SOX5: variants seen among roughly 807,000 people sequenced by gnomAD.
SOX5 encodes transcription factor SOX-5.
A neutral mutation model predicts 92.0 loss-of-function variants in SOX5; 9 were observed. The ratio of observed to expected loss-of-function variants is 0.10; its 90% CI spans 0.06 to 0.17. The LOEUF is 0.17. Among genes scored for constraint, SOX5 ranks in the 10% least tolerant of loss-of-function variants. The pLI, the probability that SOX5 is intolerant of heterozygous loss-of-function variation, is 1.00. For missense variants in SOX5, 642 were observed against 944.5 expected, an observed-to-expected ratio of 0.68 and a Z score of 4.20; for synonymous variants, 344 against 336.3, an observed-to-expected ratio of 1.02 and a Z score of -0.25.
chr12:23,984,978 G>A (rs1440921607), intron 4 of SOX5, among the ~76,000 whole-genome samples: 1 of 152,112 alleles, frequency 6.6e-6, no homozygotes, highest in African/African-American at 2.4e-5. Context: ...TTGAGCAGTA[G>A]GATATAAATA....
At chr12:24,442,175 C>T (rs568050212) in intron 1 of SOX5, among the ~76,000 whole-genome samples, 30 of 152,246 alleles carry the variant, frequency 2.0e-4, no homozygotes, top group South Asian at 1.7e-3. Context: ...GTAAAAGAGG[C>T]AAATTTTTGT....
At chr12:24,366,938 A>ATAATCCTGCATT (rs1956234105) in intron 2 of SOX5, among the ~76,000 whole-genome samples, 1 of 152,132 alleles carries the variant, frequency 6.6e-6, no homozygotes, top group Non-Finnish European at 1.5e-5. Flanking sequence ...GAAGGAGAAA[A>ATAATCCTGCATT]GAAAAAAAAA....
chr12:24,199,564 G>C (rs1337364490), intron 4 of SOX5, among the ~76,000 whole-genome samples: 1 of 152,186 alleles, frequency 6.6e-6, no homozygotes, highest in East Asian at 1.9e-4. Flanking sequence ...GCTTGGAATA[G>C]AGCCCATCCC....
At chr12:23,960,514 CATATATATATATAT>C (rs61480895) in intron 4 of SOX5, among the ~76,000 whole-genome samples, 3 of 106,964 alleles carry the variant, frequency 2.8e-5, no homozygotes, top group Non-Finnish European at 6.1e-5. Flanking sequence ...TATTTATATA[CATATATATATATAT>C]ACATATATAT....
intron 2 of SOX5, among the ~76,000 whole-genome samples, chr12:24,334,578 C>A (rs1306205031): frequency 6.6e-6 from 1 of 152,192 alleles, no homozygotes; most frequent in African/African-American, 2.4e-5. Context: ...CTATTTTATA[C>A]TGCCAATGGA....
At chr12:24,000,399 G>A (rs760402742) in intron 4 of SOX5, among the ~76,000 whole-genome samples, 1 of 151,848 alleles carries the variant, frequency 6.6e-6, no homozygotes, top group Non-Finnish European at 1.5e-5. Context: ...AATATATACT[G>A]TAATAATAGC....
intron 1 of SOX5, among the ~76,000 whole-genome samples, chr12:24,446,295 T>C (rs772694139): frequency 9.9e-5 from 15 of 152,124 alleles, no homozygotes; most frequent in Non-Finnish European, 1.5e-4. Flanking sequence ...CTACCCTAGA[T>C]TGGGTGGCAA....
At chr12:24,462,214 G>A (rs1256369826) in intron 1 of SOX5, among the ~76,000 whole-genome samples, 1 of 152,172 alleles carries the variant, frequency 6.6e-6, no homozygotes, top group Non-Finnish European at 1.5e-5. Context: ...AACCTGTACA[G>A]CCTGTTACTG....
chr12:23,571,568 G>A (rs985064367), intron 10 of SOX5, among the ~76,000 whole-genome samples: 8 of 152,210 alleles, frequency 5.3e-5, no homozygotes, highest in African/African-American at 1.4e-4. Flanking sequence ...GCCGAGAAGA[G>A]CATCTAATGC....
At chr12:24,469,278 G>A (rs1304557841) in intron 1 of SOX5, among the ~76,000 whole-genome samples, 2 of 152,150 alleles carry the variant, frequency 1.3e-5, no homozygotes, top group Non-Finnish European at 2.9e-5. Context: ...TAATGCAAGC[G>A]ATGGGGAGCG....
At chr12:24,033,495 T>A (rs1363799776) in intron 4 of SOX5, among the ~76,000 whole-genome samples, 1 of 152,020 alleles carries the variant, frequency 6.6e-6, no homozygotes, top group Non-Finnish European at 1.5e-5. Flanking sequence ...CACAATGCTA[T>A]TTTTTAAAGT....
chr12:24,222,488 G>A (rs1157901953), intron 3 of SOX5, among the ~76,000 whole-genome samples: 1 of 152,098 alleles, frequency 6.6e-6, no homozygotes, highest in Non-Finnish European at 1.5e-5. Flanking sequence ...ATAGAAGGAT[G>A]GAATTACTAT....
At chr12:23,824,230 T>C (rs1240356511) in intron 3 of SOX5, among the ~76,000 whole-genome samples, 1 of 152,254 alleles carries the variant, frequency 6.6e-6, no homozygotes, top group East Asian at 1.9e-4. Flanking sequence ...CTTTTTGAGC[T>C]GTTTTTTCCT....
intron 1 of SOX5, among the ~76,000 whole-genome samples, chr12:24,524,882 C>A (rs962935662): frequency 1.3e-5 from 2 of 152,034 alleles, no homozygotes; most frequent in African/African-American, 4.8e-5. Context: ...ATCGGCTGGG[C>A]CTGGTGGCAT....
chr12:23,920,794 T>C (rs1285381988), intron 1 of SOX5, among the ~76,000 whole-genome samples: 1 of 152,136 alleles, frequency 6.6e-6, no homozygotes, highest in East Asian at 1.9e-4. Context: ...AAATAAGCAG[T>C]TTGTATAATA....
chr12:24,422,564 GCA>G (rs2136947599), intron 1 of SOX5, among the ~76,000 whole-genome samples: 1 of 152,308 alleles, frequency 6.6e-6, no homozygotes, highest in South Asian at 2.1e-4. Context: ...AGGGTTGTCT[GCA>G]CAGTTTCATA....
At chr12:24,252,504 C>CAAA (rs57327790) in intron 3 of SOX5, among the ~76,000 whole-genome samples, 4 of 142,472 alleles carry the variant, frequency 2.8e-5, no homozygotes, top group African/African-American at 7.7e-5. Flanking sequence ...GGGGAAAGGC[C>CAAA]AAAAAAAAAA....
intron 9 of SOX5, among the ~76,000 whole-genome samples, chr12:23,595,618 CAAAAAAAAAAAA>C (rs747265656): frequency 6.5e-5 from 3 of 46,310 alleles, no homozygotes; most frequent in African/African-American, 1.8e-4. Flanking sequence ...GACTCTGCCT[CAAAAAAAAAAAA>C]AAAAAAAAAA....
At chr12:24,478,944 A>G (rs1374372609) in intron 1 of SOX5, among the ~76,000 whole-genome samples, 7 of 152,230 alleles carry the variant, frequency 4.6e-5, no homozygotes, top group Non-Finnish European at 5.9e-5. Flanking sequence ...CTGACAAATA[A>G]CATCCAGCTT....
Sources: gnomAD v4.1 joint callset for allele counts (sites outside exome capture counted in the v4.1 genomes callset) on GRCh38, gnomAD v4.1.1 for gene constraint, MANE v1.5 for transcripts, NCBI Gene and HGNC (gene_info 2026-07-23, HGNC 2026-07-21) for gene names.